Variants in VPS4B observed in about 807,000 individuals in gnomAD.
The protein encoded by VPS4B is vacuolar protein sorting 4 homolog B.
Under a neutral mutation model 56.1 loss-of-function variants are expected in VPS4B, and 23 were observed. The observed-to-expected ratio is 0.41, with a 90% CI of 0.30 to 0.58. The LOEUF (loss-of-function observed/expected upper bound fraction) is 0.58. Ranked by LOEUF, VPS4B falls within the 20% of genes least tolerant of loss-of-function variation. VPS4B has a pLI of 0.29. For missense variants in VPS4B, 372 were observed against 531.9 expected, an observed-to-expected ratio of 0.70 and a Z score of 2.96; for synonymous variants, 177 against 186.0, an observed-to-expected ratio of 0.95 and a Z score of 0.39.
chr18:63,402,794 C>T lies in VPS4B; in HGVS notation c.484+913G>A, dbSNP rs143567788. Among the ~76,000 whole-genome samples the T allele has an allele frequency of 4.7e-4, 71 of 152,234 alleles. No homozygotes were observed. In the East Asian group the frequency reaches 0.011, roughly 23 times the overall value. ...TCCTGAAGTTGGGTAGTAAACTGCA[C>T]CTTGAAGCTAGGCGGACAGTGCGTG... is the stretch of plus-strand genomic sequence containing the variant. On this transcript the variant is annotated intron_variant, in intron 5 of 10. Transcript: ENST00000238497.
intron 1 of VPS4B, among the ~76,000 whole-genome samples, chr18:63,421,293 C>A (rs1916295794): frequency 6.6e-6 from 1 of 152,150 alleles, no homozygotes; most frequent in South Asian, 2.1e-4. Flanking sequence ...AGTGGTCTTT[C>A]TTCAGAATCA....
At chr18:63,413,115 C>T (rs547197144) in intron 1 of VPS4B, among the ~76,000 whole-genome samples, 58 of 152,252 alleles carry the variant, frequency 3.8e-4, no homozygotes, top group African/African-American at 1.4e-3. Flanking sequence ...ACCACACCCA[C>T]ACACATAAAA....
At chr18:63,398,537 TAAA>T (rs879809693) in intron 8 of VPS4B, among the ~76,000 whole-genome samples, 1 of 139,030 alleles carries the variant, frequency 7.2e-6, no homozygotes, top group African/African-American at 2.7e-5. Context: ...TAGTTTTTAC[TAAA>T]AAAAAAAAAA....
At chr18:63,398,434 G>A (rs1256664567) in intron 8 of VPS4B, among the ~76,000 whole-genome samples, 2 of 151,790 alleles carry the variant, frequency 1.3e-5, no homozygotes, top group Non-Finnish European at 2.9e-5. Flanking sequence ...TGCCCAGGGT[G>A]GTTTTGAACT....
chr18:63,413,964 TC>T (rs1916105718), intron 1 of VPS4B, among the ~76,000 whole-genome samples: 1 of 152,182 alleles, frequency 6.6e-6, no homozygotes, highest in Non-Finnish European at 1.5e-5. Flanking sequence ...AGCTAAATTT[TC>T]AAGTTTTATC....
At chr18:63,422,031 G>A (rs928124614) in intron 1 of VPS4B, among the ~76,000 whole-genome samples, 7 of 152,148 alleles carry the variant, frequency 4.6e-5, no homozygotes, top group Non-Finnish European at 8.8e-5. Flanking sequence ...CCAGTAGCTC[G>A]GGAGACCCCA....
chr18:63,419,160 C>A (rs562260751), intron 1 of VPS4B, among the ~76,000 whole-genome samples: 1 of 152,166 alleles, frequency 6.6e-6, no homozygotes, highest in Non-Finnish European at 1.5e-5. Context: ...CAGTGGCTCA[C>A]GCCTGTAATT....
chr18:63,405,088 G>C (rs949635367), intron 4 of VPS4B, among the ~76,000 whole-genome samples: 1 of 151,930 alleles, frequency 6.6e-6, no homozygotes, highest in Non-Finnish European at 1.5e-5. Flanking sequence ...GTCATGATTT[G>C]TTTTCATATA....
intron 1 of VPS4B, among the ~76,000 whole-genome samples, chr18:63,413,137 CAAGT>C (rs1332965420): frequency 6.6e-6 from 1 of 152,056 alleles, no homozygotes; most frequent in Non-Finnish European, 1.5e-5. Flanking sequence ...CACATAAGGA[CAAGT>C]AAAACTGGGA....
chr18:63,418,086 C>T (rs1263338158), intron 1 of VPS4B, among the ~76,000 whole-genome samples: 1 of 152,178 alleles, frequency 6.6e-6, no homozygotes, highest in Non-Finnish European at 1.5e-5. Flanking sequence ...CCAACCTTTC[C>T]TTTTTTCCCT....
intron 1 of VPS4B, among the ~76,000 whole-genome samples, chr18:63,420,518 C>CT (rs879290022): frequency 3.3e-5 from 5 of 152,092 alleles, no homozygotes; most frequent in Admixed American, 2.0e-4. Context: ...TGCAAAGTCT[C>CT]TGACAAATGA....
rs571282013 is a variant in VPS4B at position 63,422,078 on chromosome 18, G to A, written c.27+155C>T. Among the ~76,000 whole-genome samples, 9 of 152,286 alleles carry A rather than the reference G, an allele frequency of 5.9e-5. No homozygotes were observed. The East Asian group carries it at 1.7e-3, about 29-fold the overall frequency. ...GAAACGACCTTTCCGTTGGAAAACG[G>A]GCCCCTCTCCCACCTGCTGCAGGTC... On this transcript the variant is annotated intron_variant, in intron 1 of 10. Transcript: ENST00000238497.
rs1915942716 is a variant in VPS4B at position 63,407,443 on chromosome 18, T to C, written c.353A>G (p.Asn118Ser). 6.2e-7 allele frequency: 1 copy of C among 1,608,714 alleles called. No individual in the cohort carries two copies. ...AAATCTAAAGCAACCTTGAAGTTGA[T>C]TCTGTAGTTTCTTTTTTTCAGGATC... Reference protein sequence around the residue: ...SDDPEKKKLQNQLQGAIVIER... With the variant: ...SDDPEKKKLQSQLQGAIVIER... Residue 118 changes from asparagine (N) to serine (S), a missense_variant, in exon 4 of 11, where the codon AAT becomes AGT. This residue lies in a region of VPS4B where 153 missense variants were observed against 190.3 expected (regional missense o/e 0.80). Transcript: ENST00000238497.
intron 1 of VPS4B, chr18:63,416,170 G>C (rs1916158021): frequency 5.8e-6 from 1 of 173,480 alleles, no homozygotes; most frequent in African/African-American, 2.4e-5. Flanking sequence ...TGCTGTTTCT[G>C]TCCACATCTA....
chr18:63,406,403 C>A lies in VPS4B; in HGVS notation c.364+1029G>T, dbSNP rs564540615. Among the ~76,000 whole-genome samples the A allele has an allele frequency of 9.2e-5, 14 of 152,338 alleles. No individual in the cohort carries two copies. In the South Asian group the frequency reaches 2.9e-3, roughly 32 times the overall value. ...CAAAAATACTACCAAAACGAAGACA[C>A]TAGTATAGCAAGGCTAAAAGTTTGG... is the stretch of plus-strand genomic sequence containing the variant. On this transcript the variant is annotated intron_variant, in intron 4 of 10. Coordinates refer to ENST00000238497, the MANE Select transcript of VPS4B (RefSeq NM_004869.4).
Position 63,390,827 on chromosome 18 carries a change from C to T in VPS4B, c.*148G>A. 1.8e-6 allele frequency: 1 copy of T among 550,336 alleles called. No individual in the cohort carries two copies. Among genetic ancestry groups the T allele is most frequent in the East Asian group, 3.2e-5 (1 of 31,556 alleles). The allele number at this position is 550,336 out of a possible 1,614,324, so 34.1% of individuals were successfully genotyped here. A position where few individuals can be genotyped will look rare whatever the true frequency, so the allele number is the denominator to read the frequency against. ...TTTAATAAGTAATGGAGGAAAAGTA[C>T]AATATAAAACCTAATGGAACTCTGA... is the stretch of plus-strand genomic sequence containing the variant. On this transcript the variant is annotated 3_prime_UTR_variant, in exon 11 of 11. Transcript: ENST00000238497.
rs1875437427 is a variant in VPS4B at position 63,407,293 on chromosome 18, A to AGCAGG, written c.364+138_364+139insCCTGC. ...CTAAGAAAACACTCTAAACAAAGCC[A>AGCAGG]GCACATGACTATTGGGAACCAAAGC... On this transcript the variant is annotated intron_variant, in intron 4 of 10. Coordinates refer to ENST00000238497, the MANE Select transcript of VPS4B (RefSeq NM_004869.4). The AGCAGG allele has an allele frequency of 1.1e-4, 78 of 719,840 alleles. No individual in the cohort carries two copies. In the South Asian group the frequency reaches 1.4e-3, roughly 13 times the overall value. 44.6% of individuals were successfully genotyped at this position (719,840 alleles called of 1,614,324 possible).
intron 9 of VPS4B, among the ~76,000 whole-genome samples, chr18:63,394,227 GTTGCTCT>G (rs1429247295): frequency 1.3e-5 from 2 of 152,246 alleles, no homozygotes; most frequent in East Asian, 3.9e-4. Context: ...ATTCTCAGAA[GTTGCTCT>G]ATAGCTGAGA....
At chr18:63,395,853 G>T (rs1188784076) in intron 9 of VPS4B, among the ~76,000 whole-genome samples, 1 of 152,214 alleles carries the variant, frequency 6.6e-6, no homozygotes, top group Non-Finnish European at 1.5e-5. Flanking sequence ...CAGGATAGCA[G>T]AATGGCTGAG....
Sources: allele counts gnomAD v4.1 joint callset (sites outside exome capture counted in the v4.1 genomes callset), GRCh38; gene constraint gnomAD v4.1.1; regional missense constraint gnomAD v4.1.1; transcripts MANE v1.5; gene names NCBI Gene and HGNC (gene_info 2026-07-23, HGNC 2026-07-21).